The following RCL1 variants were observed in gnomAD, a reference collection of about 807,000 sequenced individuals.
RCL1 encodes RNA terminal phosphate cyclase like 1.
In RCL1, 24 loss-of-function variants were observed where a neutral mutation model predicts 42.4. That is an observed-to-expected ratio of 0.57 (90% confidence interval 0.41 to 0.80). RCL1 has a LOEUF of 0.80. Among genes scored for constraint, RCL1 ranks in the 30% least tolerant of loss-of-function variants. RCL1 has a pLI of 0.00. For synonymous variants in RCL1, 228 were observed against 177.3 expected, an observed-to-expected ratio of 1.29 and a Z score of -2.27; for missense variants, 578 against 467.9, an observed-to-expected ratio of 1.24 and a Z score of -2.17.
intron 8 of RCL1, among the ~76,000 whole-genome samples, chr9:4,852,202 G>T (rs1817777988): frequency 6.6e-6 from 1 of 152,124 alleles, no homozygotes; most frequent in African/African-American, 2.4e-5. Flanking sequence ...CTTTTAGAAA[G>T]GCCCAAGAGA....
At chr9:4,842,485 G>A (rs900530908) in intron 6 of RCL1, among the ~76,000 whole-genome samples, 2 of 152,208 alleles carry the variant, frequency 1.3e-5, no homozygotes, top group South Asian at 2.1e-4. Flanking sequence ...CGCTGGGGTT[G>A]GGAAAGGATT....
intron 8 of RCL1, among the ~76,000 whole-genome samples, chr9:4,855,706 G>T (rs576659835): frequency 6.6e-6 from 1 of 152,216 alleles, no homozygotes; most frequent in East Asian, 1.9e-4. Context: ...GGGAGAATGG[G>T]GCTAGAGGTG....
intron 1 of RCL1, among the ~76,000 whole-genome samples, chr9:4,798,422 A>T (rs1478562938): frequency 6.6e-6 from 1 of 152,250 alleles, no homozygotes; most frequent in East Asian, 1.9e-4. Flanking sequence ...CAGGTCATGT[A>T]ACTAAGCCTT....
intron 1 of RCL1, among the ~76,000 whole-genome samples, chr9:4,813,087 A>T (rs1816237100): frequency 2.6e-5 from 4 of 152,148 alleles, no homozygotes; most frequent in African/African-American, 9.7e-5. Context: ...TGCTTTGGCT[A>T]GGATAGGACT....
At chr9:4,831,005 T>C (rs1816925265) in intron 3 of RCL1, among the ~76,000 whole-genome samples, 1 of 152,134 alleles carries the variant, frequency 6.6e-6, no homozygotes, top group Non-Finnish European at 1.5e-5. Flanking sequence ...TGCAGGAGAC[T>C]GGAGAGTGTT....
chr9:4,858,079 C>T (rs954572471), intron 8 of RCL1, among the ~76,000 whole-genome samples: 14 of 151,760 alleles, frequency 9.2e-5, no homozygotes, highest in African/African-American at 2.7e-4. Flanking sequence ...AGATGGGGGT[C>T]GTAATAGACT....
In RCL1 at chr9:4,800,960, A is replaced by G. The variant is rs139172294; in HGVS notation, c.136+7733A>G. ...TGAGCCACCACACTGGCCTGGATGT[A>G]CCATTTTATATTCCTATCTGTAGTG... On this transcript the variant is annotated intron_variant, in intron 1 of 8. Transcript: ENST00000381750. 4.1e-3 allele frequency among the ~76,000 whole-genome samples: 620 copies of G among 152,154 alleles called. 4 individuals carry two copies. The highest frequency in any genetic ancestry group is 0.014 in the African/African-American group (588 of 41,518).
At chr9:4,816,312 A>G (rs1372690680) in intron 1 of RCL1, among the ~76,000 whole-genome samples, 3 of 152,204 alleles carry the variant, frequency 2.0e-5, no homozygotes, top group Non-Finnish European at 4.4e-5. Flanking sequence ...TCTTTTGATA[A>G]ACAATACTTC....
At chr9:4,849,848 T>C (rs1463999040) in intron 8 of RCL1, among the ~76,000 whole-genome samples, 1 of 152,228 alleles carries the variant, frequency 6.6e-6, no homozygotes, top group Non-Finnish European at 1.5e-5. Flanking sequence ...TGGTTTGGTG[T>C]AGCTTGGATT....
intron 1 of RCL1, chr9:4,803,959 A>G (rs1843051005): frequency 6.6e-6 from 1 of 152,528 alleles, no homozygotes; most frequent in Non-Finnish European, 1.5e-5. Context: ...AAGGTTTCTC[A>G]TCTGTGTAGG....
chr9:4,831,400 C>G (rs953743972), intron 3 of RCL1, among the ~76,000 whole-genome samples: 1 of 151,654 alleles, frequency 6.6e-6, no homozygotes, highest in Non-Finnish European at 1.5e-5. Context: ...GGCCTTCTCC[C>G]CAGCTGCTCT....
intron 1 of RCL1, among the ~76,000 whole-genome samples, chr9:4,813,611 A>G (rs1222809335): frequency 6.6e-6 from 1 of 152,256 alleles, no homozygotes; most frequent in Non-Finnish European, 1.5e-5. Context: ...TAGTTCAGCC[A>G]TTGTGGAAGA....
intron 8 of RCL1, chr9:4,850,288 T>A (rs192306656): frequency 3.8e-6 from 2 of 533,230 alleles, no homozygotes; most frequent in Non-Finnish European, 7.7e-6. Flanking sequence ...CAGGTAGATA[T>A]GAGACTGAAC....
chr9:4,831,649 T>A (rs77519153), intron 3 of RCL1, among the ~76,000 whole-genome samples: 3 of 149,726 alleles, frequency 2.0e-5, no homozygotes, highest in African/African-American at 7.3e-5. Flanking sequence ...TATTTTTTTT[T>A]AGTAGAGATG....
chr9:4,801,497 G>C (rs1355130257), intron 1 of RCL1, among the ~76,000 whole-genome samples: 2 of 152,158 alleles, frequency 1.3e-5, no homozygotes, highest in East Asian at 1.9e-4. Flanking sequence ...TTGCTTTTGA[G>C]ACTACTTTAT....
At chr9:4,827,755 T>TGTGC (rs1387380471) in intron 3 of RCL1, among the ~76,000 whole-genome samples, 1 of 79,926 alleles carries the variant, frequency 1.3e-5, no homozygotes, top group East Asian at 5.7e-4. Context: ...TGTGTGTGTG[T>TGTGC]GCACGCGTGT....
intron 1 of RCL1, among the ~76,000 whole-genome samples, chr9:4,810,088 A>G (rs1271534171): frequency 6.6e-6 from 1 of 152,206 alleles, no homozygotes; most frequent in Non-Finnish European, 1.5e-5. Flanking sequence ...TTGGCCTCCC[A>G]AAGTGCTAAG....
rs1818158215 is a variant in RCL1, at chr9:4,861,006, A to G, written c.*731A>G. 6.6e-6 allele frequency: 1 copy of G among 152,212 alleles called. No individual in the cohort carries two copies. The allele number at this position is 152,212 out of a possible 1,614,324, so 9.4% of individuals were successfully genotyped here. On this transcript the variant is annotated 3_prime_UTR_variant, in exon 9 of 9. Coordinates refer to ENST00000381750, the MANE Select transcript of RCL1 (RefSeq NM_005772.5). ...TGCTATCTCCATGAGAAAATTCATA[A>G]AGGGTGTTTTGTTCCTTTGAAATGT...
chr9:4,858,747 GA>G (rs1818048642), intron 8 of RCL1, among the ~76,000 whole-genome samples: 1 of 100,808 alleles, frequency 9.9e-6, no homozygotes, highest in African/African-American at 3.6e-5. Context: ...ATGTGCAGTC[GA>G]GATTGAGAAC....
Sources: allele counts gnomAD v4.1 joint callset (sites outside exome capture counted in the v4.1 genomes callset), GRCh38; gene constraint gnomAD v4.1.1; transcripts MANE v1.5; gene names NCBI Gene and HGNC (gene_info 2026-07-23, HGNC 2026-07-21).